Variants in LARS2 observed in about 807,000 individuals in gnomAD.
The protein encoded by LARS2 is leucyl-tRNA synthetase 2, mitochondrial.
LARS2 carries 81 observed loss-of-function variants against 116.6 expected under a neutral mutation model. That is an observed-to-expected ratio of 0.69 (90% CI 0.58 to 0.84). The LOEUF (loss-of-function observed/expected upper bound fraction) is 0.84, where lower values mean the gene tolerates loss of function less well. LARS2 is among the 40% of genes least tolerant of loss of function. The probability of loss-of-function intolerance (pLI) is 0.00; values close to 1 mark genes in which losing one functional copy is unlikely to be tolerated. For synonymous variants in LARS2, 396 were observed against 407.2 expected (o/e 0.97, Z 0.33); for missense variants, 968 against 1,114.5 (o/e 0.87, Z 1.87).
rs1436889168 is a variant in LARS2, at chr3:45,548,742, T to G, written c.*1212T>G. On this transcript the variant is annotated 3_prime_UTR_variant, in exon 22 of 22. Coordinates refer to ENST00000645846, the MANE Select transcript of LARS2 (RefSeq NM_015340.4). Reference sequence around the variant, plus strand: ...CCAGAAATCTATATATGTTATCTGATGCCATTTTTCTGAAGTAGCCTCACA... The same window carrying G: ...CCAGAAATCTATATATGTTATCTGAGGCCATTTTTCTGAAGTAGCCTCACA... 6.6e-6 allele frequency: 1 copy of G among 152,252 alleles called. No individual in the cohort carries two copies. Among genetic ancestry groups the G allele is most frequent in the African/African-American group, 2.4e-5 (1 of 41,470 alleles). 9.4% of individuals were successfully genotyped at this position (152,252 alleles called of 1,614,324 possible). A position where few individuals can be genotyped will look rare whatever the true frequency, so the allele number is the denominator to read the frequency against.
chr3:45,493,652 G>A (rs557230917), intron 13 of LARS2, among the ~76,000 whole-genome samples: 4 of 152,150 alleles, frequency 2.6e-5, no homozygotes, highest in South Asian at 4.2e-4. Flanking sequence ...ATACTTCTGC[G>A]GTACTTGGCT....
chr3:45,411,893 CTG>C (rs551262243), intron 4 of LARS2, among the ~76,000 whole-genome samples: 6 of 152,244 alleles, frequency 3.9e-5, no homozygotes, highest in Non-Finnish European at 5.9e-5. Context: ...CCCTTTGTGT[CTG>C]TGTGTTCTTA....
At chr3:45,513,868 TATC>T (rs1312163181) in intron 16 of LARS2, among the ~76,000 whole-genome samples, 2 of 152,160 alleles carry the variant, frequency 1.3e-5, no homozygotes, top group African/African-American at 4.8e-5. Context: ...GGTGAGGATG[TATC>T]ACGTGCACCC....
chr3:45,415,698 A>G (rs533931848), intron 4 of LARS2, among the ~76,000 whole-genome samples: 10 of 151,882 alleles, frequency 6.6e-5, no homozygotes, highest in African/African-American at 2.2e-4. Context: ...AAATACAAAA[A>G]TTAGCCGGGT....
rs1559458622 is a variant in LARS2 at position 45,408,489 on chromosome 3, C to A, written c.363+8116C>A. Among the ~76,000 whole-genome samples, 5 of 152,220 alleles carry A rather than the reference C, an allele frequency of 3.3e-5. No homozygotes were observed. The South Asian group carries it at 1.0e-3, about 31-fold the overall frequency. ...TTAGATCCATCCCTTGCTTTTTGTA[C>A]GGCAGAAGGGCTGACTCCTGCAGGT... On this transcript the variant is annotated intron_variant, in intron 4 of 21. Transcript: ENST00000645846.
intron 11 of LARS2, among the ~76,000 whole-genome samples, chr3:45,486,865 T>C (rs1174270962): frequency 6.6e-6 from 1 of 152,200 alleles, no homozygotes; most frequent in East Asian, 1.9e-4. Flanking sequence ...GTTTGATATT[T>C]TGAATCATTA....
chr3:45,450,479 G>GT (rs1699106993), intron 7 of LARS2, among the ~76,000 whole-genome samples: 1 of 152,110 alleles, frequency 6.6e-6, no homozygotes, highest in South Asian at 2.1e-4. Flanking sequence ...TCACATATGA[G>GT]TGAGAACATT....
At position 45,507,386 on chromosome 3, in the gene LARS2, ATACATAGTGAGAGCCT is replaced by A. The variant is rs1700215745; in HGVS notation, c.1761-5746_1761-5731del. Among the ~76,000 whole-genome samples the A allele has an allele frequency of 1.3e-5, 2 of 152,108 alleles. 1 individual carries two copies. On this transcript the variant is annotated intron_variant, in intron 15 of 21. Coordinates refer to ENST00000645846, the MANE Select transcript of LARS2 (RefSeq NM_015340.4). ...AATCTTTCTGAAAAGCAGTTTGGCA[ATACATAGTGAGAGCCT>A]TAAAACTATTCATTTTTGGGTGCAC... is the stretch of plus-strand genomic sequence containing the variant.
intron 5 of LARS2, among the ~76,000 whole-genome samples, chr3:45,418,248 T>TAG (rs544960118): frequency 3.0e-4 from 46 of 152,272 alleles, no homozygotes; most frequent in African/African-American, 1.1e-3. Context: ...TGCCACCCCT[T>TAG]AGAGAGACAG....
chr3:45,437,292 C>A, intron 6 of LARS2, among the ~76,000 whole-genome samples: 1 of 152,182 alleles, frequency 6.6e-6, no homozygotes, highest in East Asian at 1.9e-4. Context: ...ATTAAATGCT[C>A]ATTTTCAGCC....
At chr3:45,436,161 C>T (rs952831902) in intron 6 of LARS2, among the ~76,000 whole-genome samples, 1 of 152,156 alleles carries the variant, frequency 6.6e-6, no homozygotes, top group African/African-American at 2.4e-5. Context: ...TCACTGTTTG[C>T]ATCCGTGGAA....
intron 16 of LARS2, among the ~76,000 whole-genome samples, chr3:45,515,646 C>T (rs1166319230): frequency 3.9e-5 from 6 of 152,190 alleles, no homozygotes; most frequent in Non-Finnish European, 8.8e-5. Context: ...TCCATGTGCC[C>T]TGAGAGTATG....
chr3:45,454,779 T>C (rs1480670226), intron 7 of LARS2, among the ~76,000 whole-genome samples: 1 of 152,160 alleles, frequency 6.6e-6, no homozygotes, highest in Non-Finnish European at 1.5e-5. Flanking sequence ...GTTCAAAATA[T>C]GGAAATCCAG....
intron 4 of LARS2, among the ~76,000 whole-genome samples, chr3:45,413,995 G>A (rs930452135): frequency 6.6e-6 from 1 of 152,160 alleles, no homozygotes; most frequent in East Asian, 1.9e-4. Context: ...AGTGTGGTTC[G>A]CTGCAGTCTT....
intron 3 of LARS2, among the ~76,000 whole-genome samples, chr3:45,398,671 C>T (rs1039665120): frequency 1.3e-5 from 2 of 152,194 alleles, no homozygotes; most frequent in African/African-American, 4.8e-5. Context: ...GTGGGGAACC[C>T]TCCTATTACT....
chr3:45,486,753 C>T (rs796791541), intron 11 of LARS2, among the ~76,000 whole-genome samples: 31 of 152,218 alleles, frequency 2.0e-4, no homozygotes, highest in African/African-American at 7.5e-4. Flanking sequence ...TACTTTTATG[C>T]ATTTTACAAT....
intron 19 of LARS2, 132 bp downstream of exon 19, chr3:45,520,428 A>G: frequency 1.6e-6 from 1 of 631,242 alleles, no homozygotes; most frequent in Non-Finnish European, 2.9e-6. Context: ...TGATTATCTT[A>G]AGGAAACATT....
chr3:45,401,059 C>G (rs889186009), intron 4 of LARS2, among the ~76,000 whole-genome samples: 1 of 152,176 alleles, frequency 6.6e-6, no homozygotes, highest in African/African-American at 2.4e-5. Context: ...GATCCGCCCA[C>G]CTTGGCCTCC....
chr3:45,496,176 G>T, intron 13 of LARS2, 99 bp from the exon 14 acceptor site: 1 of 952,570 alleles, frequency 1.0e-6, no homozygotes, highest in South Asian at 1.4e-5. Flanking sequence ...TTATTCTTAT[G>T]ACATTTTAAA....
Sources: gnomAD v4.1 joint callset for allele counts (sites outside exome capture counted in the v4.1 genomes callset) on GRCh38, gnomAD v4.1.1 for gene constraint, MANE v1.5 for transcripts, NCBI Gene and HGNC (gene_info 2026-07-23, HGNC 2026-07-21) for gene names.